SLC6A5: variants seen among roughly 807,000 people sequenced by gnomAD.
SLC6A5 encodes sodium- and chloride-dependent glycine transporter 2.
SLC6A5 carries 58 observed loss-of-function variants against 90.5 expected under a neutral mutation model. The ratio of observed to expected loss-of-function variants is 0.64; its 90% CI spans 0.52 to 0.80. The LOEUF (loss-of-function observed/expected upper bound fraction) is 0.80. Among genes scored for constraint, SLC6A5 ranks in the 30% least tolerant of loss-of-function variants. SLC6A5 has a pLI of 0.00. For synonymous variants in SLC6A5, 427 were observed against 401.4 expected (o/e 1.06, Z -0.76); for missense variants, 1,015 against 1,017.6 (o/e 1.00, Z 0.03).
At chr11:20,647,046 G>A (rs1289802064) in intron 14 of SLC6A5, 112 bp downstream of exon 14, 5 of 806,444 alleles carry the variant, frequency 6.2e-6, no homozygotes, top group African/African-American at 1.7e-5. Context: ...GAGCCTGGGA[G>A]CTGGTAGGTT....
At chr11:20,624,395 C>T (rs190829024) in intron 7 of SLC6A5, among the ~76,000 whole-genome samples, 87 of 152,108 alleles carry the variant, frequency 5.7e-4, no homozygotes, top group Admixed American at 5.0e-3. Flanking sequence ...TCAAGTGATC[C>T]GCCTGCCTCA....
chr11:20,649,249 C>T (rs984248399), intron 14 of SLC6A5, among the ~76,000 whole-genome samples: 7 of 152,102 alleles, frequency 4.6e-5, no homozygotes, highest in Admixed American at 3.3e-4. Context: ...CAGAAAATAT[C>T]CTGAACCAGA....
chr11:20,630,807 C>G lies in SLC6A5; in HGVS notation c.1616C>G (p.Ala539Gly). The change falls in exon 10 of 16, where the codon GCA becomes GGA. Residue 539 changes from alanine to glycine, a missense_variant. Physicochemically the swap from Ala to Gly is moderately conservative, Grantham distance 60 (BLOSUM62 0). This residue lies in a region of SLC6A5 where 442 missense variants were observed against 494.3 expected (regional missense o/e 0.89). Coordinates refer to ENST00000525748, the MANE Select transcript of SLC6A5 (RefSeq NM_004211.5). ...CGCAAAGTCAACATTGAGAATGTGG[C>G]AGACCAAGGTACAGGACAGTTGTTA... ...NERKVNIENV[A>G]DQGPGIAFVV... 6.2e-7 allele frequency: 1 copy of G among 1,614,166 alleles called. No homozygotes were observed.
intron 10 of SLC6A5, among the ~76,000 whole-genome samples, chr11:20,634,985 C>T (rs540471565): frequency 6.6e-6 from 1 of 152,064 alleles, no homozygotes; most frequent in South Asian, 2.1e-4. Context: ...AGTAATCTTC[C>T]CAGTGAGACC....
rs1852536290 is a variant in SLC6A5 at position 20,604,373 on chromosome 11, G to A, written c.628G>A (p.Gly210Arg). The A allele has an allele frequency of 6.2e-7, 1 of 1,613,998 alleles. No homozygotes were observed. The highest frequency in any genetic ancestry group is 1.3e-5 in the African/African-American group (1 of 74,926). ...FILSMVGYAVGLGNVWRFPYL... is the reference protein window; with the variant it reads ...FILSMVGYAVRLGNVWRFPYL... The stretch of plus-strand genomic sequence containing the variant: ...CCTGTCCATGGTGGGGTACGCAGTG[G>A]GGCTGGGCAATGTCTGGAGGTTTCC... The change falls in exon 3 of 16, where the codon GGG becomes AGG. Residue 210 changes from glycine (G) to arginine (R), a missense_variant. Physicochemically the swap from Gly to Arg is moderately radical, Grantham distance 125 (BLOSUM62 -2). Coordinates refer to ENST00000525748, the MANE Select transcript of SLC6A5 (RefSeq NM_004211.5).
At chr11:20,613,509 T>C (rs945759706) in intron 5 of SLC6A5, among the ~76,000 whole-genome samples, 3 of 152,162 alleles carry the variant, frequency 2.0e-5, no homozygotes, top group Non-Finnish European at 4.4e-5. Context: ...CTGGGTTTTA[T>C]GAGGATTTCA....
intron 5 of SLC6A5, among the ~76,000 whole-genome samples, chr11:20,610,480 T>A (rs1447892861): frequency 1.1e-4 from 16 of 152,204 alleles, no homozygotes; most frequent in Admixed American, 1.0e-3. Context: ...AATTGCAACT[T>A]GGGAATCGAG....
At chr11:20,651,545 T>G (rs1853532456) in intron 14 of SLC6A5, among the ~76,000 whole-genome samples, 1 of 150,954 alleles carries the variant, frequency 6.6e-6, no homozygotes, top group South Asian at 2.1e-4. Context: ...AGTGCTGGGA[T>G]TACAGGCATG....
Position 20,601,329 on chromosome 11 carries a change from A to G in SLC6A5, c.204A>G (p.Arg68=), listed in dbSNP as rs765906557. Residue 68 remains arginine (R), a synonymous_variant, in exon 2 of 16, where the codon CGA becomes CGG. Coordinates refer to ENST00000525748, the MANE Select transcript of SLC6A5 (RefSeq NM_004211.5). ...AAACTTTCCAGTCAGCGGACGCGCGAGCCTGCGAGGCTGAGCGGCCAGGAG... is the reference window on the plus strand; with the variant it reads ...AAACTTTCCAGTCAGCGGACGCGCGGGCCTGCGAGGCTGAGCGGCCAGGAG... ...GAQTFQSADA[R]ACEAERPGVG... The G allele has an allele frequency of 1.1e-5, 17 of 1,596,160 alleles. No individual in the cohort carries two copies. The East Asian group carries it at 3.6e-4, about 34-fold the overall frequency.
At chr11:20,605,947 A>T (rs562412762) in intron 3 of SLC6A5, among the ~76,000 whole-genome samples, 1 of 152,318 alleles carries the variant, frequency 6.6e-6, no homozygotes, top group South Asian at 2.1e-4. Flanking sequence ...AGCCCCGGGC[A>T]GGAAAGGCCC....
chr11:20,625,926 C>T (rs1394852323), intron 7 of SLC6A5, among the ~76,000 whole-genome samples: 1 of 152,230 alleles, frequency 6.6e-6, no homozygotes, highest in Admixed American at 6.5e-5. Flanking sequence ...CAGACATTGT[C>T]TTTGTGTCTT....
chr11:20,651,936 A>G lies in SLC6A5; in HGVS notation c.2071-353A>G, dbSNP rs568985163. ...GAAAAAAAAAAGAAAAAGAAAATAC[A>G]GAGAACTCCTTAAAAACACCCACTA... On this transcript the variant is annotated intron_variant, in intron 14 of 15. Coordinates refer to ENST00000525748, the MANE Select transcript of SLC6A5 (RefSeq NM_004211.5). Among the ~76,000 whole-genome samples the G allele has an allele frequency of 4.0e-5, 6 of 151,894 alleles. No homozygotes were observed. The South Asian group carries it at 1.3e-3, about 32-fold the overall frequency.
At chr11:20,638,100 A>G (rs1486212048) in intron 12 of SLC6A5, among the ~76,000 whole-genome samples, 3 of 152,252 alleles carry the variant, frequency 2.0e-5, no homozygotes, top group East Asian at 3.8e-4. Context: ...GAATGCAGAT[A>G]CATAGGTGGA....
chr11:20,627,414 C>G (rs1853018197), intron 8 of SLC6A5, among the ~76,000 whole-genome samples: 1 of 152,132 alleles, frequency 6.6e-6, no homozygotes, highest in East Asian at 1.9e-4. Context: ...AAGGAAAACT[C>G]TGCTTTTCCA....
intron 7 of SLC6A5, among the ~76,000 whole-genome samples, chr11:20,625,777 C>A (rs527311787): frequency 6.6e-4 from 100 of 152,290 alleles, no homozygotes; most frequent in African/African-American, 2.3e-3. Context: ...CACCTTCCCA[C>A]CTTGCCTCTC....
Position 20,655,242 on chromosome 11 carries a change from TG to T in SLC6A5, c.*376del, listed in dbSNP as rs1393473753. ...GGGTGCCAGTAAGGCATGTATAGAGTGGCCGAATTACAAGACTTTATTTGGA... is the reference window on the plus strand; with the variant it reads ...GGGTGCCAGTAAGGCATGTATAGAGTGCCGAATTACAAGACTTTATTTGGA... On this transcript the variant is annotated 3_prime_UTR_variant, in exon 16 of 16. Coordinates refer to ENST00000525748, the MANE Select transcript of SLC6A5 (RefSeq NM_004211.5). 6.0e-6 allele frequency: 2 copies of T among 332,834 alleles called. No homozygotes were observed. The highest frequency in any genetic ancestry group is 4.3e-5 in the African/African-American group (2 of 46,604). The allele number at this position is 332,834 out of a possible 1,614,324, so 20.6% of individuals were successfully genotyped here.
chr11:20,653,032 C>G (rs1853571495), intron 15 of SLC6A5, among the ~76,000 whole-genome samples: 2 of 152,084 alleles, frequency 1.3e-5, no homozygotes, highest in Admixed American at 1.3e-4. Context: ...CTTGCTGGAC[C>G]CAATTCCCAT....
At chr11:20,616,577 C>G (rs1387203307) in intron 6 of SLC6A5, among the ~76,000 whole-genome samples, 1 of 152,102 alleles carries the variant, frequency 6.6e-6, no homozygotes, top group Non-Finnish European at 1.5e-5. Flanking sequence ...TATGGTTTAC[C>G]TATTTTGGGC....
rs1451995228 is a variant in SLC6A5 at position 20,601,532 on chromosome 11, T to A, written c.407T>A (p.Val136Glu). Residue 136 changes from valine to glutamate, a missense_variant, in exon 2 of 16, where the codon GTG (valine) becomes GAG (glutamate). Val to Glu is a moderately radical substitution (Grantham distance 121). Coordinates refer to ENST00000525748, the MANE Select transcript of SLC6A5 (RefSeq NM_004211.5). ...CCGGAGGGGGATGCGAACGTGAGTG[T>A]GGGCAAGGGCACCCTGGAGCGGAAC... is the stretch of plus-strand genomic sequence containing the variant. ...RGPEGDANVSVGKGTLERNNT... is the reference protein window; with the variant it reads ...RGPEGDANVSEGKGTLERNNT... 6.2e-7 allele frequency: 1 copy of A among 1,614,062 alleles called. No homozygotes were observed. Among genetic ancestry groups the A allele is most frequent in the South Asian group, 1.1e-5 (1 of 91,072 alleles).
Sources: gnomAD v4.1 joint callset for allele counts (sites outside exome capture counted in the v4.1 genomes callset) on GRCh38, gnomAD v4.1.1 for gene constraint, gnomAD v4.1.1 regional missense constraint, MANE v1.5 for transcripts, NCBI Gene and HGNC (gene_info 2026-07-23, HGNC 2026-07-21) for gene names.